Variants in ANK1 observed in about 807,000 individuals in gnomAD.
ANK1 encodes ankyrin 1.
A neutral mutation model predicts 210.4 loss-of-function variants in ANK1; 51 were observed. That is an observed-to-expected ratio of 0.24 (90% CI 0.19 to 0.31). ANK1 has a LOEUF of 0.31. ANK1 is among the 10% of genes least tolerant of loss of function. ANK1 has a pLI of 1.00. For synonymous variants in ANK1, 967 were observed against 1,025.9 expected, an observed-to-expected ratio of 0.94 and a Z score of 1.10; for missense variants, 2,051 against 2,504.4, an observed-to-expected ratio of 0.82 and a Z score of 3.86.
chr8:41,855,548 C>T (rs1213041768), intron 1 of ANK1, among the ~76,000 whole-genome samples: 3 of 152,294 alleles, frequency 2.0e-5, no homozygotes, highest in East Asian at 3.9e-4. Flanking sequence ...AGAGCCACTG[C>T]GGGCTGTCTG....
intron 2 of ANK1, among the ~76,000 whole-genome samples, chr8:41,754,389 A>G (rs1838555017): frequency 6.6e-6 from 1 of 152,238 alleles, no homozygotes; most frequent in Non-Finnish European, 1.5e-5. Flanking sequence ...CAGTCTATAC[A>G]ACAAGGAACT....
intron 16 of ANK1, among the ~76,000 whole-genome samples, chr8:41,712,062 T>A (rs1245355761): frequency 1.3e-5 from 2 of 152,084 alleles, no homozygotes; most frequent in Non-Finnish European, 2.9e-5. Context: ...GTAGCTGGGA[T>A]TACAGGTGCA....
At chr8:41,812,952 C>T (rs1357792931) in intron 1 of ANK1, among the ~76,000 whole-genome samples, 1 of 152,156 alleles carries the variant, frequency 6.6e-6, no homozygotes, top group Admixed American at 6.5e-5. Context: ...TCCTAACAGG[C>T]CCCGGACAGG....
chr8:41,801,228 A>G (rs181036493), upstream of ANK1, among the ~76,000 whole-genome samples: 26 of 152,344 alleles, frequency 1.7e-4, no homozygotes, highest in Non-Finnish European at 2.9e-4. Context: ...CTCCTGCCTC[A>G]GCCTCCTGAG....
In ANK1 at chr8:41,694,201, C is replaced by T. The variant is rs1392388034; in HGVS notation, c.3328-99G>A. ...CCTGGTGAGAGTGGCCGTCAGTGCACGGGGTCCCGCCCTGCTGTTGGACCA... is the reference window on the plus strand; with the variant it reads ...CCTGGTGAGAGTGGCCGTCAGTGCATGGGGTCCCGCCCTGCTGTTGGACCA... On this transcript the variant is annotated intron_variant, in intron 28 of 42. Coordinates refer to ENST00000289734, the MANE Select transcript of ANK1 (RefSeq NM_000037.4). The surrounding 1 kb of genome is among the most constrained non-coding windows in gnomAD (Gnocchi z 5.7). 1.9e-5 allele frequency: 24 copies of T among 1,294,754 alleles called. No individual in the cohort carries two copies. Among genetic ancestry groups the T allele is most frequent in the East Asian group, 7.6e-5 (3 of 39,640 alleles). The allele number at this position is 1,294,754 out of a possible 1,614,324, so 80.2% of individuals were successfully genotyped here. A position where few individuals can be genotyped will look rare whatever the true frequency, so the allele number is the denominator to read the frequency against.
At chr8:41,827,410 G>A (rs776790177) in intron 1 of ANK1, among the ~76,000 whole-genome samples, 2 of 152,160 alleles carry the variant, frequency 1.3e-5, no homozygotes, top group Non-Finnish European at 2.9e-5. Flanking sequence ...TCTCTGAGTT[G>A]GAATTTAGGG....
intron 15 of ANK1, 83 bp from the exon 16 acceptor site, chr8:41,714,337 A>G: frequency 9.7e-7 from 1 of 1,035,144 alleles, no homozygotes; most frequent in South Asian, 2.0e-5. Flanking sequence ...GGGAGCACCT[A>G]TTTTATACAG....
At chr8:41,836,228 G>A (rs369355721) in intron 1 of ANK1, among the ~76,000 whole-genome samples, 34 of 152,342 alleles carry the variant, frequency 2.2e-4, no homozygotes, top group South Asian at 1.5e-3. Flanking sequence ...TGCAGATCCC[G>A]TCGCAACAAA....
intron 39 of ANK1, chr8:41,665,833 A>G (rs1003230814): frequency 2.6e-5 from 4 of 154,304 alleles, no homozygotes; most frequent in African/African-American, 7.2e-5. Context: ...CCAAAACTGA[A>G]GCATGGAGCT....
intron 1 of ANK1, among the ~76,000 whole-genome samples, chr8:41,777,783 C>A (rs972738991): frequency 2.0e-5 from 3 of 152,110 alleles, no homozygotes; most frequent in Non-Finnish European, 2.9e-5. Context: ...CACTCGTGAC[C>A]TTGAACTCCT....
intron 39 of ANK1, chr8:41,664,384 G>C: frequency 2.7e-6 from 1 of 364,344 alleles, no homozygotes; most frequent in Non-Finnish European, 5.3e-6. Flanking sequence ...GAGGCAGGAG[G>C]ATCACTTGAG....
At chr8:41,892,539 C>T (rs1335370931) in intron 1 of ANK1, among the ~76,000 whole-genome samples, 1 of 152,216 alleles carries the variant, frequency 6.6e-6, no homozygotes, top group East Asian at 1.9e-4. Context: ...AATCACTTGA[C>T]ATTTAGTGTA....
At chr8:41,663,527 G>T in intron 40 of ANK1, 132 bp downstream of exon 40, 1 of 870,624 alleles carries the variant, frequency 1.1e-6, no homozygotes, top group Non-Finnish European at 1.9e-6. Context: ...TCCCTCCTGA[G>T]CACGGGGGCA....
rs1822919224 is a variant in ANK1, at chr8:41,701,920, C to T, written c.2388+132G>A. On this transcript the variant is annotated intron_variant, in intron 21 of 42. Transcript: ENST00000289734. ...CCGCTGGAAGGAGGACAAGCTCCCACCCGTCGGGCGCGGCGCCTCCGACCC... is the reference window on the plus strand; with the variant it reads ...CCGCTGGAAGGAGGACAAGCTCCCATCCGTCGGGCGCGGCGCCTCCGACCC... 4 of 945,328 alleles carry T rather than the reference C, an allele frequency of 4.2e-6. 1 individual carries two copies. Among genetic ancestry groups the T allele is most frequent in the South Asian group, 2.9e-5 (2 of 69,452 alleles). 58.6% of individuals were successfully genotyped at this position (945,328 alleles called of 1,614,324 possible).
chr8:41,688,705 A>G (rs551465083), intron 33 of ANK1, 116 bp from the exon 34 acceptor site: 2 of 873,654 alleles, frequency 2.3e-6, no homozygotes, highest in East Asian at 5.3e-5. Flanking sequence ...CTGGTAAACA[A>G]TCAGTCCGTT....
chr8:41,743,014 C>T (rs904972072), intron 2 of ANK1, among the ~76,000 whole-genome samples: 3 of 152,194 alleles, frequency 2.0e-5, no homozygotes, highest in African/African-American at 7.2e-5. Flanking sequence ...GTGCTATACT[C>T]GATGTCACAG....
At chr8:41,829,582 T>G (rs1437311077) in intron 1 of ANK1, 1 of 152,168 alleles carries the variant, frequency 6.6e-6, no homozygotes, top group African/African-American at 2.4e-5. Flanking sequence ...GTTGTGCTTC[T>G]CCATTGGAAG....
At chr8:41,881,622 C>G (rs2150831745) in intron 1 of ANK1, among the ~76,000 whole-genome samples, 1 of 152,318 alleles carries the variant, frequency 6.6e-6, no homozygotes, top group South Asian at 2.1e-4. Context: ...TAGCCTTCTG[C>G]CTCTCACTTT....
intron 1 of ANK1, among the ~76,000 whole-genome samples, chr8:41,796,654 C>T (rs1848784357): frequency 6.6e-6 from 1 of 150,734 alleles, no homozygotes; most frequent in South Asian, 2.1e-4. Flanking sequence ...TTTAGACAAG[C>T]AGAAGACGAA....
Sources: gnomAD v4.1 joint callset for allele counts (sites outside exome capture counted in the v4.1 genomes callset) on GRCh38, gnomAD v4.1.1 for gene constraint, Gnocchi (gnomAD v3.1) non-coding constraint, MANE v1.5 for transcripts, NCBI Gene and HGNC (gene_info 2026-07-23, HGNC 2026-07-21) for gene names.